Variants in TGFBR2 observed in about 807,000 individuals in gnomAD.
TGFBR2 encodes the protein TGF-beta receptor type-2.
A neutral mutation model predicts 49.0 loss-of-function variants in TGFBR2; 18 were observed. The ratio of observed to expected loss-of-function variants is 0.37; its 90% CI spans 0.25 to 0.54. TGFBR2 has a LOEUF of 0.54. TGFBR2 is among the 20% of genes least tolerant of loss of function. The pLI is 0.85. For synonymous variants in TGFBR2, 282 were observed against 275.9 expected, an observed-to-expected ratio of 1.02 and a Z score of -0.22; for missense variants, 525 against 722.6, an observed-to-expected ratio of 0.73 and a Z score of 3.13.
In TGFBR2 at chr3:30,636,221, G is replaced by A. The variant is rs183317768; in HGVS notation, c.95-8526G>A. Among the ~76,000 whole-genome samples the A allele has an allele frequency of 1.0e-3, 157 of 149,608 alleles. 1 individual carries two copies. Among genetic ancestry groups the A allele is most frequent in the Non-Finnish European group, 2.5e-4 (17 of 67,398 alleles). The stretch of plus-strand genomic sequence containing the variant: ...TGTGTATAGTACTGGGATTACAGGC[G>A]TGAGCCACCGCACCCGGCCCGTACT... On this transcript the variant is annotated intron_variant, in intron 1 of 6. Coordinates refer to ENST00000295754, the MANE Select transcript of TGFBR2 (RefSeq NM_003242.6).
chr3:30,655,576 G>A (rs930222278), intron 3 of TGFBR2, among the ~76,000 whole-genome samples: 2 of 152,214 alleles, frequency 1.3e-5, no homozygotes, highest in Non-Finnish European at 2.9e-5. Context: ...ACCCACAAGT[G>A]CCTTTCACAT....
intron 5 of TGFBR2, among the ~76,000 whole-genome samples, chr3:30,675,953 G>A (rs1032636765): frequency 4.6e-5 from 7 of 152,128 alleles, no homozygotes; most frequent in Non-Finnish European, 1.0e-4. Flanking sequence ...TAATGTGCAT[G>A]CCTCCTTAGT....
At position 30,688,501 on chromosome 3, in the gene TGFBR2, T is replaced by C. The variant is rs2125452246; in HGVS notation, c.1514T>C (p.Leu505Pro). 6.2e-7 allele frequency: 1 copy of C among 1,614,230 alleles called. No individual in the cohort carries two copies. Among genetic ancestry groups the C allele is most frequent in the South Asian group, 1.1e-5 (1 of 91,088 alleles). ...CGACCAGAAATTCCCAGCTTCTGGC[T>C]CAACCACCAGGTAAGGAGTGAGTGT... is the stretch of plus-strand genomic sequence containing the variant. ...RGRPEIPSFWLNHQGIQMVCE... is the reference protein window; with the variant it reads ...RGRPEIPSFWPNHQGIQMVCE... Residue 505 changes from leucine (L) to proline (P), a missense_variant, in exon 6 of 7, where the codon CTC becomes CCC. Around this residue, in one of 3 missense-constraint regions of TGFBR2, gnomAD observed 104 missense variants for 133.4 expected, o/e 0.78. Transcript: ENST00000295754.
At position 30,678,648 on chromosome 3, in the gene TGFBR2, A is replaced by G. The variant is rs543160442; in HGVS notation, c.1396+4402A>G. Among the ~76,000 whole-genome samples the G allele has an allele frequency of 2.6e-5, 4 of 152,090 alleles. No homozygotes were observed. The South Asian group carries it at 6.2e-4, about 24-fold the overall frequency. ...GTGAAAACAGCTAATCTACATGACA[A>G]GTATAGTGGATCTACCCACTGAAGG... On this transcript the variant is annotated intron_variant, in intron 5 of 6. Coordinates refer to ENST00000295754, the MANE Select transcript of TGFBR2 (RefSeq NM_003242.6).
Position 30,671,781 on chromosome 3 carries a change from A to G in TGFBR2, c.598A>G (p.Thr200Ala). ...TAACCGGCAGCAGAAGCTGAGTTCA[A>G]CCTGGGAAACCGGCAAGACGCGGAA... ...RVNRQQKLSS[T>A]WETGKTRKLM... The change falls in exon 4 of 7, where the codon ACC becomes GCC. Residue 200 changes from threonine (T) to alanine (A), a missense_variant. Physicochemically the swap from Thr to Ala is moderately conservative, Grantham distance 58. This residue lies in a region of TGFBR2 where 376 missense variants were observed against 478.2 expected (regional missense o/e 0.79). Coordinates refer to ENST00000295754, the MANE Select transcript of TGFBR2 (RefSeq NM_003242.6). 3.7e-6 allele frequency: 6 copies of G among 1,614,194 alleles called. No individual in the cohort carries two copies. The highest frequency in any genetic ancestry group is 1.3e-5 in the African/African-American group (1 of 75,050).
rs756625146 is a variant in TGFBR2, at chr3:30,672,110, G to A, written c.927G>A (p.Thr309=). ...LKHENILQFL[T]AEERKTELGK... is the part of the protein sequence containing the mutation. Reference sequence around the variant, plus strand: ...ATGAGAACATACTCCAGTTCCTGACGGCTGAGGAGCGGAAGACGGAGTTGG... The same window carrying A: ...ATGAGAACATACTCCAGTTCCTGACAGCTGAGGAGCGGAAGACGGAGTTGG... The change falls in exon 4 of 7, where the codon ACG becomes ACA. Residue 309 remains threonine, a synonymous_variant. Coordinates refer to ENST00000295754, the MANE Select transcript of TGFBR2 (RefSeq NM_003242.6). The surrounding 1 kb of genome is among the most constrained non-coding windows in gnomAD (Gnocchi z 4.5). 5.5e-5 allele frequency: 88 copies of A among 1,614,064 alleles called. No homozygotes were observed. The East Asian group carries it at 1.2e-3, about 21-fold the overall frequency.
intron 5 of TGFBR2, among the ~76,000 whole-genome samples, chr3:30,685,900 G>A (rs1215080594): frequency 6.6e-6 from 1 of 152,144 alleles, no homozygotes; most frequent in African/African-American, 2.4e-5. Flanking sequence ...TCTGTGGACT[G>A]TACCTTATCT....
At chr3:30,639,225 C>T (rs1448340868) in intron 1 of TGFBR2, among the ~76,000 whole-genome samples, 1 of 152,190 alleles carries the variant, frequency 6.6e-6, no homozygotes, top group Non-Finnish European at 1.5e-5. Context: ...GGCAGCAGCT[C>T]CCTTCCTATC....
intron 3 of TGFBR2, among the ~76,000 whole-genome samples, chr3:30,659,216 T>G (rs1699066762): frequency 6.6e-6 from 1 of 152,214 alleles, no homozygotes; most frequent in Non-Finnish European, 1.5e-5. Context: ...TACTTTCTGG[T>G]CTAAATGCAG....
chr3:30,683,404 A>C (rs1340505784), intron 5 of TGFBR2, among the ~76,000 whole-genome samples: 2 of 152,126 alleles, frequency 1.3e-5, no homozygotes, highest in African/African-American at 2.4e-5. Context: ...TTTTTCTTGT[A>C]ATTCATTTCT....
chr3:30,682,647 C>T (rs898683417), intron 5 of TGFBR2, among the ~76,000 whole-genome samples: 1 of 152,166 alleles, frequency 6.6e-6, no homozygotes, highest in Non-Finnish European at 1.5e-5. Context: ...AGATTCTCAT[C>T]CTTACCTCAC....
chr3:30,620,853 A>G (rs970290095), intron 1 of TGFBR2, among the ~76,000 whole-genome samples: 1 of 152,158 alleles, frequency 6.6e-6, no homozygotes, highest in Non-Finnish European at 1.5e-5. Flanking sequence ...ATACTCTTCT[A>G]CCTACCTGAG....
intron 1 of TGFBR2, among the ~76,000 whole-genome samples, chr3:30,623,848 A>T (rs181416663): frequency 6.6e-6 from 1 of 152,348 alleles, no homozygotes; most frequent in Non-Finnish European, 1.5e-5. Context: ...CTGAATAAAC[A>T]TACAGAGAAG....
chr3:30,661,490 G>A (rs767522828), intron 3 of TGFBR2: 2 of 458,482 alleles, frequency 4.4e-6, no homozygotes, highest in South Asian at 3.1e-5. Flanking sequence ...CTGAATCAGG[G>A]TTTTAATGGC....
intron 6 of TGFBR2, among the ~76,000 whole-genome samples, chr3:30,689,009 G>GCTC (rs1395578188): frequency 4.6e-5 from 7 of 152,222 alleles, no homozygotes; most frequent in Non-Finnish European, 8.8e-5. Flanking sequence ...ACAGACTTGG[G>GCTC]AGAGGCCTGA....
intron 5 of TGFBR2, among the ~76,000 whole-genome samples, chr3:30,677,488 G>A (rs1347550147): frequency 1.3e-5 from 2 of 152,158 alleles, no homozygotes; most frequent in South Asian, 2.1e-4. Context: ...CCTCACGTTC[G>A]TCCTGACACA....
At chr3:30,659,529 T>C (rs1049925921) in intron 3 of TGFBR2, among the ~76,000 whole-genome samples, 1 of 151,994 alleles carries the variant, frequency 6.6e-6, no homozygotes, top group African/African-American at 2.4e-5. Context: ...GCAACTCGCT[T>C]TTCAAGATTT....
Position 30,643,041 on chromosome 3 carries a change from G to A in TGFBR2, c.95-1706G>A, listed in dbSNP as rs1011443301. Among the ~76,000 whole-genome samples, 6 of 152,122 alleles carry A rather than the reference G, an allele frequency of 3.9e-5. No homozygotes were observed. The South Asian group carries it at 6.2e-4, about 16-fold the overall frequency. ...GAAAGCAAATCTTAAATTTATATAC[G>A]TTTATATTTTTAGAGACCCAGGAAA... On this transcript the variant is annotated intron_variant, in intron 1 of 6. Coordinates refer to ENST00000295754, the MANE Select transcript of TGFBR2 (RefSeq NM_003242.6).
intron 4 of TGFBR2, among the ~76,000 whole-genome samples, chr3:30,673,683 A>T (rs528614572): frequency 2.0e-5 from 3 of 152,230 alleles, no homozygotes; most frequent in Non-Finnish European, 4.4e-5. Context: ...CAAAACTGAT[A>T]GCAATTATTA....
Sources: allele counts gnomAD v4.1 joint callset (sites outside exome capture counted in the v4.1 genomes callset), GRCh38; gene constraint gnomAD v4.1.1; regional missense constraint gnomAD v4.1.1; non-coding constraint Gnocchi (gnomAD v3.1); transcripts MANE v1.5; gene names NCBI Gene and HGNC (gene_info 2026-07-23, HGNC 2026-07-21).